Variants in ANKRD18A observed in about 807,000 individuals in gnomAD.
The protein encoded by ANKRD18A is ankyrin repeat domain-containing protein 18A.
In ANKRD18A, 72 loss-of-function variants were observed where a neutral mutation model predicts 110.6. That is an observed-to-expected ratio of 0.65 (90% CI 0.54 to 0.79). The LOEUF is 0.79. Ranked by LOEUF, ANKRD18A falls within the 30% of genes least tolerant of loss-of-function variation. The pLI is 0.00. For missense variants in ANKRD18A, 934 were observed against 1,163.3 expected, an observed-to-expected ratio of 0.80 and a Z score of 2.87; for synonymous variants, 305 against 410.3, an observed-to-expected ratio of 0.74 and a Z score of 3.10.
rs1461411802 is a variant in ANKRD18A at position 38,603,216 on chromosome 9, T to C, written c.809-4A>G. On this transcript the variant is annotated splice_region_variant and splice_polypyrimidine_tract_variant and intron_variant, in intron 6 of 15. Coordinates refer to ENST00000399703, the MANE Select transcript of ANKRD18A (RefSeq NM_147195.4). ...GCAGGCTTCATAGCTGCTGTTTCTG[T>C]CAAACATGCAAACTTGTTAGATATT... 2 of 1,551,070 alleles carry C rather than the reference T, an allele frequency of 1.3e-6. No individual in the cohort carries two copies. The highest frequency in any genetic ancestry group is 2.0e-5 in the Admixed American group (1 of 50,976).
At chr9:38,609,246 G>A (rs1258495125) in intron 5 of ANKRD18A, among the ~76,000 whole-genome samples, 9 of 152,108 alleles carry the variant, frequency 5.9e-5, no homozygotes, top group African/African-American at 1.7e-4. Flanking sequence ...TTAGGAGGCC[G>A]AGGAGGGTGG....
chr9:38,567,970 G>T (rs578141181), downstream of ANKRD18A: 1 of 152,248 alleles, frequency 6.6e-6, no homozygotes, highest in African/African-American at 2.4e-5. Context: ...GGCCACCTTG[G>T]GGGTGGGCTC....
rs866698072 is a variant in ANKRD18A, at chr9:38,620,336, C to T, written c.-51G>A. ...ACCCGCTCCTGAGCCGCGGCGGCTC[C>T]TCGTGGCCTTTCCACCCCCACTCCG... On this transcript the variant is annotated 5_prime_UTR_variant, in exon 1 of 16. Coordinates refer to ENST00000399703, the MANE Select transcript of ANKRD18A (RefSeq NM_147195.4). 5 of 1,521,832 alleles carry T rather than the reference C, an allele frequency of 3.3e-6. No individual in the cohort carries two copies. The highest frequency in any genetic ancestry group is 2.0e-4 in the Middle Eastern group (1 of 5,032). The allele number at this position is 1,521,832 out of a possible 1,614,324, so 94.3% of individuals were successfully genotyped here.
At chr9:38,598,454 A>AT (rs939610220) in intron 8 of ANKRD18A, among the ~76,000 whole-genome samples, 1 of 152,186 alleles carries the variant, frequency 6.6e-6, no homozygotes, top group African/African-American at 2.4e-5. Flanking sequence ...TACACATGAG[A>AT]TTTTCTTGAG....
At chr9:38,575,847 C>G in intron 14 of ANKRD18A, 149 bp from the exon 15 acceptor site, 1 of 711,514 alleles carries the variant, frequency 1.4e-6, no homozygotes, top group Non-Finnish European at 2.3e-6. Flanking sequence ...GGGCATACCT[C>G]TTGTAAGTAA....
At chr9:38,588,299 T>A (rs1824472862) in intron 11 of ANKRD18A, among the ~76,000 whole-genome samples, 1 of 152,178 alleles carries the variant, frequency 6.6e-6, no homozygotes, top group Non-Finnish European at 1.5e-5. Flanking sequence ...CTATTTTTCA[T>A]CACTTATTGT....
intron 14 of ANKRD18A, among the ~76,000 whole-genome samples, chr9:38,576,741 T>A (rs1823910820): frequency 6.6e-6 from 1 of 152,148 alleles, no homozygotes; most frequent in African/African-American, 2.4e-5. Context: ...AGTAATTTTA[T>A]AACAAGATCA....
downstream of ANKRD18A, among the ~76,000 whole-genome samples, chr9:38,570,883 T>G (rs1823614586): frequency 6.6e-6 from 1 of 152,240 alleles, no homozygotes; most frequent in Admixed American, 6.5e-5. Context: ...GGCCTGGCAC[T>G]GCCTGGACAT....
At chr9:38,582,569 G>A (rs1305135186) in intron 12 of ANKRD18A, among the ~76,000 whole-genome samples, 19 of 151,704 alleles carry the variant, frequency 1.3e-4, no homozygotes, top group Non-Finnish European at 1.5e-5. Context: ...TTTTATACAA[G>A]GTAACAAAAA....
chr9:38,574,236 A>G (rs1823782492), intron 15 of ANKRD18A, among the ~76,000 whole-genome samples: 3 of 152,170 alleles, frequency 2.0e-5, no homozygotes, highest in Admixed American at 6.5e-5. Flanking sequence ...ACATGATTTT[A>G]TTCTTTTCAT....
chr9:38,571,289 A>T, downstream of ANKRD18A: 1 of 1,342,338 alleles, frequency 7.4e-7, no homozygotes, highest in Non-Finnish European at 9.7e-7. Context: ...ATTCAAAAAG[A>T]CATAAAGTCA....
chr9:38,612,519 T>C (rs1360027799), intron 3 of ANKRD18A, among the ~76,000 whole-genome samples: 1 of 118,764 alleles, frequency 8.4e-6, no homozygotes, highest in Admixed American at 8.2e-5. Context: ...TTTTTTCTTT[T>C]TCTTTTTTTT....
chr9:38,588,472 A>T, intron 11 of ANKRD18A, 79 bp downstream of exon 11: 1 of 948,974 alleles, frequency 1.1e-6, no homozygotes, highest in Non-Finnish European at 1.4e-6. Context: ...ATGGATTTGT[A>T]TCAAAGTTTT....
At chr9:38,570,104 C>A (rs1408623977), downstream of ANKRD18A, among the ~76,000 whole-genome samples, 2 of 152,108 alleles carry the variant, frequency 1.3e-5, no homozygotes, top group Non-Finnish European at 2.9e-5. Context: ...CCAACGAGGC[C>A]CCTAATGAGC....
chr9:38,602,180 GC>G (rs1360785681), intron 7 of ANKRD18A, among the ~76,000 whole-genome samples: 4 of 149,902 alleles, frequency 2.7e-5, no homozygotes, highest in Non-Finnish European at 5.9e-5. Context: ...CCCCTTTGTT[GC>G]TAGACTGTAG....
chr9:38,604,038 C>T (rs1439931516), intron 6 of ANKRD18A: 1 of 152,320 alleles, frequency 6.6e-6, no homozygotes, highest in East Asian at 1.9e-4. Flanking sequence ...GGTGGCTCAT[C>T]TTTGTAATCC....
chr9:38,602,219 T>C (rs1587526099), intron 7 of ANKRD18A, among the ~76,000 whole-genome samples: 1 of 150,426 alleles, frequency 6.6e-6, no homozygotes, highest in East Asian at 1.9e-4. Flanking sequence ...ACAGTCTTTA[T>C]TTTACTAAAT....
At position 38,620,591 on chromosome 9, in the gene ANKRD18A, C is replaced by T. The variant is rs919505373; in HGVS notation, c.-306G>A. On this transcript the variant is annotated 5_prime_UTR_variant, in exon 1 of 16. Coordinates refer to ENST00000399703, the MANE Select transcript of ANKRD18A (RefSeq NM_147195.4). The stretch of plus-strand genomic sequence containing the variant: ...AACCTCAGCGCTCCGAACTCTCAGA[C>T]CGAGTGAGTCCCCGCGATGCCAGTT... 5 of 786,628 alleles carry T rather than the reference C, an allele frequency of 6.4e-6. No homozygotes were observed. Among genetic ancestry groups the T allele is most frequent in the Non-Finnish European group, 8.4e-6 (5 of 593,852 alleles). 48.7% of individuals were successfully genotyped at this position (786,628 alleles called of 1,614,324 possible).
At chr9:38,578,296 C>G (rs1824001135) in intron 12 of ANKRD18A, 148 bp from the exon 13 acceptor site, 1 of 773,978 alleles carries the variant, frequency 1.3e-6, no homozygotes, top group Non-Finnish European at 1.9e-6. Context: ...CCTTAAATTA[C>G]TCAGAATTTT....
Sources: allele counts gnomAD v4.1 joint callset (sites outside exome capture counted in the v4.1 genomes callset), GRCh38; gene constraint gnomAD v4.1.1; transcripts MANE v1.5; gene names NCBI Gene and HGNC (gene_info 2026-07-23, HGNC 2026-07-21).